The following ARHGEF28 variants were observed in gnomAD, a reference collection of about 807,000 sequenced individuals.
ARHGEF28 encodes Rho guanine nucleotide exchange factor 28.
In ARHGEF28, 152 loss-of-function variants were observed where a neutral mutation model predicts 206.6. That is an observed-to-expected ratio of 0.74 (90% CI 0.64 to 0.84). The LOEUF is 0.84. Ranked by LOEUF, ARHGEF28 falls within the 40% of genes least tolerant of loss-of-function variation. ARHGEF28 has a pLI of 0.00. For synonymous variants in ARHGEF28, 763 were observed against 776.4 expected, an observed-to-expected ratio of 0.98 and a Z score of 0.29; for missense variants, 2,028 against 2,073.2, an observed-to-expected ratio of 0.98 and a Z score of 0.42.
chr5:73,824,003 A>G (rs1014678398), intron 9 of ARHGEF28, among the ~76,000 whole-genome samples: 1 of 152,242 alleles, frequency 6.6e-6, no homozygotes, highest in Non-Finnish European at 1.5e-5. Flanking sequence ...AGTGTCTGGT[A>G]TAATTACCCA....
intron 1 of ARHGEF28, among the ~76,000 whole-genome samples, chr5:73,649,800 C>T (rs1035502680): frequency 1.3e-5 from 2 of 152,074 alleles, no homozygotes; most frequent in South Asian, 4.2e-4. Context: ...CCTCCATTGC[C>T]CAAGTAGCCA....
intron 29 of ARHGEF28, 101 bp from the exon 30 acceptor site, chr5:73,897,861 A>G (rs1344269692): frequency 1.5e-6 from 2 of 1,344,728 alleles, no homozygotes; most frequent in Admixed American, 4.9e-5. Flanking sequence ...GGGTCCTATA[A>G]AAACAGGGAC....
chr5:73,626,480 G>A (rs1743011384), intron 1 of ARHGEF28, among the ~76,000 whole-genome samples, 158 bp downstream of exon 1: 1 of 152,088 alleles, frequency 6.6e-6, no homozygotes, highest in Admixed American at 6.5e-5. Context: ...AGGCGCTGCG[G>A]CGCGAGGGCT....
intron 35 of ARHGEF28, among the ~76,000 whole-genome samples, chr5:73,925,550 T>C (rs988597302): frequency 6.6e-6 from 1 of 152,162 alleles, no homozygotes; most frequent in Non-Finnish European, 1.5e-5. Flanking sequence ...GTCCAGTCAG[T>C]TTTGTGGGAA....
At chr5:73,724,594 G>T (rs913757575) in intron 2 of ARHGEF28, among the ~76,000 whole-genome samples, 1 of 152,062 alleles carries the variant, frequency 6.6e-6, no homozygotes, top group African/African-American at 2.4e-5. Flanking sequence ...GTCAACTGCT[G>T]TTCTTTTCCC....
intron 1 of ARHGEF28, among the ~76,000 whole-genome samples, chr5:73,629,208 G>A (rs141588922): frequency 6.6e-6 from 1 of 152,034 alleles, no homozygotes; most frequent in African/African-American, 2.4e-5. Context: ...AAGACATTTG[G>A]CTGGCCAGGG....
chr5:73,894,346 T>A, intron 28 of ARHGEF28, 47 bp from the exon 29 acceptor site: 1 of 1,506,336 alleles, frequency 6.6e-7, no homozygotes, highest in Non-Finnish European at 9.0e-7. Flanking sequence ...CATTAGTGGT[T>A]GTATTCATGT....
intron 2 of ARHGEF28, among the ~76,000 whole-genome samples, chr5:73,702,456 C>A (rs1037065094): frequency 6.6e-6 from 1 of 152,192 alleles, no homozygotes; most frequent in Non-Finnish European, 1.5e-5. Flanking sequence ...CCCCCGGCAA[C>A]TATCATTCTA....
intron 21 of ARHGEF28, among the ~76,000 whole-genome samples, chr5:73,872,238 T>C (rs1369985005): frequency 6.6e-6 from 1 of 152,240 alleles, no homozygotes; most frequent in Non-Finnish European, 1.5e-5. Context: ...CAATAGCTAA[T>C]GGAGTTGAGC....
chr5:73,840,697 A>G lies in ARHGEF28; in HGVS notation c.1364A>G (p.Asn455Ser), dbSNP rs1311142399. 3 of 1,612,750 alleles carry G rather than the reference A, an allele frequency of 1.9e-6. No individual in the cohort carries two copies. Among genetic ancestry groups the G allele is most frequent in the Admixed American group, 1.7e-5 (1 of 59,832 alleles). Residue 455 changes from asparagine (N) to serine (S), a missense_variant, in exon 11 of 36, where the codon AAC becomes AGC. Around this residue, in one of 3 missense-constraint regions of ARHGEF28, gnomAD observed 1,002 missense variants for 1,015.3 expected, o/e 0.99. Transcript: ENST00000513042. Reference protein sequence around the residue: ...FMSPSSSCASNLNLSFGWHGF... With the variant: ...FMSPSSSCASSLNLSFGWHGF... ...TCACCATCAAGTTCGTGTGCTTCCA[A>G]CTTGAATCTTTCTTTTGGTTGGCAT...
intron 9 of ARHGEF28, among the ~76,000 whole-genome samples, chr5:73,813,848 C>T (rs1475937390): frequency 1.3e-5 from 2 of 149,906 alleles, no homozygotes; most frequent in Non-Finnish European, 3.0e-5. Flanking sequence ...ACTAATTCTT[C>T]TTATGTTCCT....
At chr5:73,896,334 A>G (rs1761957852) in intron 29 of ARHGEF28, among the ~76,000 whole-genome samples, 1 of 152,192 alleles carries the variant, frequency 6.6e-6, no homozygotes, top group Non-Finnish European at 1.5e-5. Context: ...CCAGAGTAGC[A>G]GATGTCAGCG....
chr5:73,762,682 T>C (rs923509950), intron 4 of ARHGEF28, among the ~76,000 whole-genome samples: 1 of 152,094 alleles, frequency 6.6e-6, no homozygotes, highest in Non-Finnish European at 1.5e-5. Context: ...TTAATTTTTA[T>C]AGTCTTGATT....
chr5:73,852,661 T>C lies in ARHGEF28; in HGVS notation c.1759T>C (p.Tyr587His). The C allele has an allele frequency of 1.2e-6, 2 of 1,613,734 alleles. No individual in the cohort carries two copies. Among genetic ancestry groups the C allele is most frequent in the Non-Finnish European group, 1.7e-6 (2 of 1,179,722 alleles). The change falls in exon 14 of 36, where the codon TAC becomes CAC. Residue 587 changes from tyrosine to histidine, a missense_variant. Coordinates refer to ENST00000513042, the MANE Select transcript of ARHGEF28 (RefSeq NM_001177693.2). ...VCSSSEEQRA[Y>H]SLSEPPRENR... Reference sequence around the variant, plus strand: ...TCTGTGTCTTGTAGAGCAAAGAGCTTACAGCTTATCGGAGCCACCAAGAGA... The same window carrying C: ...TCTGTGTCTTGTAGAGCAAAGAGCTCACAGCTTATCGGAGCCACCAAGAGA...
chr5:73,645,357 T>C (rs1377585382), intron 1 of ARHGEF28, among the ~76,000 whole-genome samples: 2 of 152,174 alleles, frequency 1.3e-5, no homozygotes, highest in Non-Finnish European at 2.9e-5. Flanking sequence ...ATTAGGTTGT[T>C]AGGGTTTCCA....
chr5:73,708,309 A>C (rs111739490), intron 2 of ARHGEF28, among the ~76,000 whole-genome samples: 1 of 152,040 alleles, frequency 6.6e-6, no homozygotes, highest in Admixed American at 6.6e-5. Flanking sequence ...CCAGACACTG[A>C]GCATAGTAGC....
At chr5:73,853,568 A>G (rs934826440) in intron 14 of ARHGEF28, among the ~76,000 whole-genome samples, 1 of 152,212 alleles carries the variant, frequency 6.6e-6, no homozygotes, top group Admixed American at 6.5e-5. Flanking sequence ...AAACCAGAAT[A>G]GAAACTTTCA....
Position 73,901,277 on chromosome 5 carries a change from G to C in ARHGEF28, c.4067G>C (p.Gly1356Ala). 6.2e-7 allele frequency: 1 copy of C among 1,612,738 alleles called. No homozygotes were observed. ...VVTDLAVSDA[G>A]EKVECRNFPG... ...ACCGACTTGGCCGTCTCTGATGCAG[G>C]GGAGAAGGTATTGTGAACTGATTTG... Residue 1356 changes from glycine to alanine, a missense_variant, in exon 31 of 36, where the codon GGG (glycine) becomes GCG (alanine). By Grantham distance (60) the Gly-to-Ala change is moderately conservative. This residue lies in a region of ARHGEF28 where 803 missense variants were observed against 768.0 expected (regional missense o/e 1.05). Transcript: ENST00000513042.
intron 1 of ARHGEF28, among the ~76,000 whole-genome samples, chr5:73,672,137 A>G (rs1338737838): frequency 1.3e-5 from 2 of 152,238 alleles, no homozygotes; most frequent in Middle Eastern, 3.4e-3. Flanking sequence ...TAAGAGTGTT[A>G]TTGCTGGGTC....
Sources: gnomAD v4.1 joint callset for allele counts (sites outside exome capture counted in the v4.1 genomes callset) on GRCh38, gnomAD v4.1.1 for gene constraint, gnomAD v4.1.1 regional missense constraint, MANE v1.5 for transcripts, NCBI Gene and HGNC (gene_info 2026-07-23, HGNC 2026-07-21) for gene names.